The following FAM135B variants were observed in gnomAD, a reference collection of about 807,000 sequenced individuals.
FAM135B encodes protein FAM135B.
A neutral mutation model predicts 127.7 loss-of-function variants in FAM135B; 43 were observed. The ratio of observed to expected loss-of-function variants is 0.34; its 90% CI spans 0.26 to 0.43. The LOEUF (loss-of-function observed/expected upper bound fraction) is 0.43. Among genes scored for constraint, FAM135B ranks in the 20% least tolerant of loss-of-function variants. FAM135B has a pLI of 1.00. For missense variants in FAM135B, 1,558 were observed against 1,725.6 expected (o/e 0.90, Z 1.72); for synonymous variants, 670 against 665.1 (o/e 1.01, Z -0.11).
chr8:138,362,650 C>T (rs1040491099), intron 2 of FAM135B, among the ~76,000 whole-genome samples: 2 of 152,074 alleles, frequency 1.3e-5, no homozygotes, highest in African/African-American at 2.4e-5. Flanking sequence ...GTCTTGGGGA[C>T]GTTTCGAGGA....
intron 12 of FAM135B, among the ~76,000 whole-genome samples, chr8:138,159,255 G>T (rs1475061122): frequency 2.0e-5 from 2 of 101,346 alleles, no homozygotes; most frequent in Non-Finnish European, 3.9e-5. Context: ...GTCCGGCCTG[G>T]GCGACAGAGC....
intron 3 of FAM135B, among the ~76,000 whole-genome samples, chr8:138,267,797 T>G (rs991616425): frequency 3.3e-5 from 5 of 152,212 alleles, no homozygotes; most frequent in African/African-American, 1.2e-4. Context: ...CCTGCTCTAA[T>G]TTGCACTTTG....
At position 138,153,386 on chromosome 8, in the gene FAM135B, C is replaced by T. The variant is rs184417653; in HGVS notation, c.1259-170G>A. 9.9e-5 allele frequency among the ~76,000 whole-genome samples: 15 copies of T among 152,216 alleles called. No individual in the cohort carries two copies. The East Asian group carries it at 1.3e-3, about 14-fold the overall frequency. On this transcript the variant is annotated intron_variant, in intron 12 of 19. Transcript: ENST00000395297. ...CTCCCAGTGTGAGCGATGCAGAAGA[C>T]GGGTGATTTCTGCATTTCCAAGTGA...
chr8:138,293,868 C>T (rs567476484), intron 3 of FAM135B, among the ~76,000 whole-genome samples: 14 of 152,188 alleles, frequency 9.2e-5, no homozygotes, highest in Admixed American at 3.3e-4. Context: ...GTAGGCCTAC[C>T]GTTTGACCCA....
chr8:138,418,966 C>T (rs1264152774), intron 1 of FAM135B, among the ~76,000 whole-genome samples: 5 of 150,452 alleles, frequency 3.3e-5, no homozygotes. Flanking sequence ...TAATAACTAG[C>T]TAACATAAGA....
intron 7 of FAM135B, among the ~76,000 whole-genome samples, chr8:138,206,320 T>C (rs80190906): frequency 3.8e-4 from 49 of 127,792 alleles, no homozygotes; most frequent in South Asian, 1.1e-3. Context: ...TACCCACAGC[T>C]CTATCATCCC....
chr8:138,211,657 A>G (rs966954821), intron 7 of FAM135B, among the ~76,000 whole-genome samples: 2 of 152,216 alleles, frequency 1.3e-5, no homozygotes, highest in Non-Finnish European at 2.9e-5. Flanking sequence ...CTCTGCACTT[A>G]TTGACTGTTT....
intron 1 of FAM135B, among the ~76,000 whole-genome samples, chr8:138,392,222 C>T (rs555404273): frequency 5.3e-5 from 8 of 152,306 alleles, no homozygotes; most frequent in South Asian, 2.1e-4. Context: ...GCCCCAGGCC[C>T]GGGAGCCCCT....
At chr8:138,291,183 C>T (rs1423664712) in intron 3 of FAM135B, among the ~76,000 whole-genome samples, 1 of 152,178 alleles carries the variant, frequency 6.6e-6, no homozygotes, top group Non-Finnish European at 1.5e-5. Flanking sequence ...TGAAAACTGG[C>T]TGGATCAAGG....
chr8:138,155,900 T>C (rs1302578550), intron 12 of FAM135B, among the ~76,000 whole-genome samples: 2 of 152,078 alleles, frequency 1.3e-5, no homozygotes, highest in Non-Finnish European at 2.9e-5. Context: ...GACAGAAAGT[T>C]AACAAGGATA....
At chr8:138,250,064 A>G (rs1005116412) in intron 6 of FAM135B, among the ~76,000 whole-genome samples, 4 of 152,120 alleles carry the variant, frequency 2.6e-5, no homozygotes, top group Admixed American at 2.6e-4. Context: ...ATCAAACCAT[A>G]TGAATGGGCT....
intron 9 of FAM135B, among the ~76,000 whole-genome samples, chr8:138,187,437 A>G (rs75407153): frequency 6.6e-4 from 101 of 152,268 alleles, no homozygotes; most frequent in African/African-American, 2.4e-3. Context: ...GAGAGACTTC[A>G]TCTACACAAC....
chr8:138,442,965 G>T (rs541515543), intron 1 of FAM135B, among the ~76,000 whole-genome samples: 1 of 152,180 alleles, frequency 6.6e-6, no homozygotes, highest in Admixed American at 6.5e-5. Flanking sequence ...CCCTGTGTGC[G>T]AGGATGGCTT....
intron 2 of FAM135B, among the ~76,000 whole-genome samples, chr8:138,337,373 C>T (rs1177113860): frequency 1.1e-4 from 17 of 151,970 alleles, no homozygotes; most frequent in Non-Finnish European, 5.9e-5. Context: ...TGTCTCAGCC[C>T]AAAATCTCCT....
intron 2 of FAM135B, among the ~76,000 whole-genome samples, chr8:138,313,887 G>C (rs372390536): frequency 2.0e-5 from 3 of 151,008 alleles, no homozygotes; most frequent in African/African-American, 7.3e-5. Flanking sequence ...CATGAACACA[G>C]TGGTAAAAAG....
chr8:138,190,273 C>A (rs770295014), intron 9 of FAM135B, among the ~76,000 whole-genome samples: 2 of 152,184 alleles, frequency 1.3e-5, no homozygotes, highest in Non-Finnish European at 2.9e-5. Context: ...CTGAATGAAC[C>A]CCTCCTCTTG....
chr8:138,481,224 G>A (rs934101464), intron 1 of FAM135B, among the ~76,000 whole-genome samples: 4 of 152,176 alleles, frequency 2.6e-5, no homozygotes, highest in African/African-American at 9.7e-5. Flanking sequence ...ATGTCACATG[G>A]TATCAGGCAC....
rs1388484837 is a variant in FAM135B at position 138,241,042 on chromosome 8, T to C, written c.669+1900A>G. Among the ~76,000 whole-genome samples the C allele has an allele frequency of 6.6e-6, 1 of 152,102 alleles. No individual in the cohort carries two copies. Among genetic ancestry groups the C allele is most frequent in the East Asian group, 1.9e-4 (1 of 5,186 alleles). The stretch of plus-strand genomic sequence containing the variant: ...TCTACAATGGGGTCTACTGAAACTC[T>C]GGGTGCCAGCCCACGTGGGGGCTGA... On this transcript the variant is annotated intron_variant, in intron 7 of 19. Coordinates refer to ENST00000395297, the MANE Select transcript of FAM135B (RefSeq NM_015912.4). The surrounding 1 kb of genome is among the most constrained non-coding windows in gnomAD (Gnocchi z 4.8).
At chr8:138,223,213 A>T (rs1482813360) in intron 7 of FAM135B, among the ~76,000 whole-genome samples, 2 of 152,240 alleles carry the variant, frequency 1.3e-5, no homozygotes, top group Non-Finnish European at 2.9e-5. Flanking sequence ...AACAAAATCC[A>T]TGTGGCAATG....
Sources: allele counts gnomAD v4.1 joint callset (sites outside exome capture counted in the v4.1 genomes callset), GRCh38; gene constraint gnomAD v4.1.1; non-coding constraint Gnocchi (gnomAD v3.1); transcripts MANE v1.5; gene names NCBI Gene and HGNC (gene_info 2026-07-23, HGNC 2026-07-21).